The following PDE1C variants were observed in gnomAD, a reference collection of about 807,000 sequenced individuals.
PDE1C encodes the protein dual specificity calcium/calmodulin-dependent 3',5'-cyclic nucleotide phosphodiesterase 1C.
In PDE1C, 62 loss-of-function variants were observed where a neutral mutation model predicts 93.1. The ratio of observed to expected loss-of-function variants is 0.67; its 90% CI spans 0.54 to 0.82. PDE1C has a LOEUF of 0.82. Among genes scored for constraint, PDE1C ranks in the 40% least tolerant of loss-of-function variants. PDE1C has a pLI of 0.00. For missense variants in PDE1C, 742 were observed against 884.6 expected (o/e 0.84, Z 2.04); for synonymous variants, 325 against 310.1 (o/e 1.05, Z -0.50).
At chr7:31,956,038 G>A (rs923639299) in intron 2 of PDE1C, among the ~76,000 whole-genome samples, 2 of 152,138 alleles carry the variant, frequency 1.3e-5, no homozygotes, top group Non-Finnish European at 1.5e-5. Flanking sequence ...GTCAAAGGGC[G>A]ATGGTGAGGA....
At chr7:31,651,159 G>A in the PDE1C span, 1 of 1,613,428 alleles carries the variant, frequency 6.2e-7, no homozygotes, top group Non-Finnish European at 8.5e-7. Context: ...TCCATGAGAT[G>A]GAAGCCATGA....
chr7:32,009,027 T>C (rs970035844), intron 2 of PDE1C, among the ~76,000 whole-genome samples: 2 of 152,178 alleles, frequency 1.3e-5, no homozygotes, highest in African/African-American at 2.4e-5. Context: ...GGGGAAAATA[T>C]GGCAGATTCT....
chr7:31,632,437 A>C, the PDE1C span, among the ~76,000 whole-genome samples: 7 of 152,072 alleles, frequency 4.6e-5, no homozygotes, highest in Non-Finnish European at 1.0e-4. Context: ...ACAGAGCGAG[A>C]CTCCTTCTCA....
chr7:31,977,683 G>A (rs929813575), intron 2 of PDE1C, among the ~76,000 whole-genome samples: 3 of 152,190 alleles, frequency 2.0e-5, no homozygotes, highest in Admixed American at 1.3e-4. Context: ...TTACTTGTGT[G>A]TTCATCTTGT....
chr7:32,034,028 T>C (rs1218762088), intron 2 of PDE1C, among the ~76,000 whole-genome samples: 5 of 149,966 alleles, frequency 3.3e-5, no homozygotes, highest in Non-Finnish European at 5.9e-5. Flanking sequence ...AAAATTAGAC[T>C]TAATCAGTGG....
chr7:31,922,395 T>A (rs1802742622), intron 2 of PDE1C, among the ~76,000 whole-genome samples: 1 of 152,242 alleles, frequency 6.6e-6, no homozygotes, highest in South Asian at 2.1e-4. Context: ...GTGATAGAGC[T>A]TTTATAGTTT....
intron 1 of PDE1C, among the ~76,000 whole-genome samples, chr7:32,339,596 G>A (rs537899853): frequency 3.9e-5 from 6 of 152,184 alleles, no homozygotes; most frequent in South Asian, 4.2e-4. Flanking sequence ...AGATGAGGAC[G>A]GAACTCTCCG....
At chr7:32,347,362 T>C (rs1270573351) in intron 1 of PDE1C, among the ~76,000 whole-genome samples, 1 of 152,224 alleles carries the variant, frequency 6.6e-6, no homozygotes, top group African/African-American at 2.4e-5. Flanking sequence ...TCAGTCTTTA[T>C]AGACCTTGCA....
intron 2 of PDE1C, among the ~76,000 whole-genome samples, chr7:32,177,849 T>C (rs75184309): frequency 0.024 from 3,608 of 152,284 alleles, 134 homozygotes; most frequent in African/African-American, 0.082. Flanking sequence ...CTGTTGGCCT[T>C]ACTGTATTTA....
chr7:32,309,973 AAGACCCAT>A (rs1335952163), intron 1 of PDE1C, among the ~76,000 whole-genome samples: 2 of 152,246 alleles, frequency 1.3e-5, no homozygotes, highest in Non-Finnish European at 2.9e-5. Flanking sequence ...ATAAAGAGTT[AAGACCCAT>A]CAGTGTGCTG....
At chr7:32,271,087 G>A (rs529136498) in intron 1 of PDE1C, among the ~76,000 whole-genome samples, 1 of 152,336 alleles carries the variant, frequency 6.6e-6, no homozygotes, top group Non-Finnish European at 1.5e-5. Context: ...GCAGTGAGCA[G>A]AGATAGCACC....
At chr7:31,909,698 A>C (rs1258530488) in intron 2 of PDE1C, among the ~76,000 whole-genome samples, 1 of 152,184 alleles carries the variant, frequency 6.6e-6, no homozygotes, top group Non-Finnish European at 1.5e-5. Flanking sequence ...TATGATTGAC[A>C]GCATTTTATT....
the PDE1C span, among the ~76,000 whole-genome samples, chr7:31,745,312 C>T: frequency 6.6e-6 from 1 of 152,174 alleles, no homozygotes; most frequent in Non-Finnish European, 1.5e-5. Flanking sequence ...CCATCCCTAT[C>T]TTGTTTCCAT....
chr7:31,964,330 G>T (rs1415415801), intron 2 of PDE1C, among the ~76,000 whole-genome samples: 1 of 152,216 alleles, frequency 6.6e-6, no homozygotes, highest in Non-Finnish European at 1.5e-5. Context: ...GGCTTGGAGG[G>T]TCCTATGCCC....
chr7:31,841,338 G>T lies in PDE1C; in HGVS notation c.981-3367C>A, dbSNP rs144358796. Among the ~76,000 whole-genome samples the T allele has an allele frequency of 5.9e-5, 9 of 151,474 alleles. No homozygotes were observed. The East Asian group carries it at 1.8e-3, about 29-fold the overall frequency. The stretch of plus-strand genomic sequence containing the variant: ...GCAAAATTCATTATCGGTTCCAGTA[G>T]CTCCTTTACAGATCCTTAGGATTTT... On this transcript the variant is annotated intron_variant, in intron 9 of 17. Transcript: ENST00000396191.
the PDE1C span, among the ~76,000 whole-genome samples, chr7:31,723,262 C>G: frequency 6.6e-6 from 1 of 152,168 alleles, no homozygotes; most frequent in African/African-American, 2.4e-5. Context: ...CAGCCTGACA[C>G]CTCTTGGTTG....
chr7:32,033,212 G>A (rs910133557), intron 2 of PDE1C, among the ~76,000 whole-genome samples: 2 of 152,056 alleles, frequency 1.3e-5, no homozygotes, highest in African/African-American at 4.8e-5. Flanking sequence ...GATGCTCTGT[G>A]GTGCATTTGC....
At chr7:31,695,322 G>T in the PDE1C span, 1 of 578,420 alleles carries the variant, frequency 1.7e-6, no homozygotes, top group East Asian at 3.2e-5. Flanking sequence ...AGTCCTTTGT[G>T]GAATAGGCCA....
At chr7:32,130,646 T>C (rs987426264) in intron 3 of PDE1C, among the ~76,000 whole-genome samples, 1 of 152,078 alleles carries the variant, frequency 6.6e-6, no homozygotes, top group African/African-American at 2.4e-5. Flanking sequence ...CAAACTCTTC[T>C]TGTCCCTGTA....
Sources: gnomAD v4.1 joint callset for allele counts (sites outside exome capture counted in the v4.1 genomes callset) on GRCh38, gnomAD v4.1.1 for gene constraint, MANE v1.5 for transcripts, NCBI Gene and HGNC (gene_info 2026-07-23, HGNC 2026-07-21) for gene names.